PRKN: variants seen among roughly 807,000 people sequenced by gnomAD.
PRKN encodes E3 ubiquitin-protein ligase parkin.
In PRKN, 56 loss-of-function variants were observed where a neutral mutation model predicts 59.5. The ratio of observed to expected loss-of-function variants is 0.94; its 90% CI spans 0.76 to 1.18. The LOEUF (loss-of-function observed/expected upper bound fraction) is 1.18, where lower values mean the gene tolerates loss of function less well. Ranked by LOEUF, PRKN falls within the 50% of genes most tolerant of loss-of-function variation. The probability of loss-of-function intolerance (pLI) is 0.00; values close to 1 mark genes in which losing one functional copy is unlikely to be tolerated. For missense variants in PRKN, 657 were observed against 596.4 expected, an observed-to-expected ratio of 1.10 and a Z score of -1.06; for synonymous variants, 250 against 222.1, an observed-to-expected ratio of 1.13 and a Z score of -1.12.
At chr6:162,072,461 T>C (rs1365584866) in intron 4 of PRKN, among the ~76,000 whole-genome samples, 2 of 151,994 alleles carry the variant, frequency 1.3e-5, no homozygotes, top group Non-Finnish European at 2.9e-5. Context: ...CAGAAGAAAA[T>C]TCCACAAGCC....
intron 1 of PRKN, among the ~76,000 whole-genome samples, chr6:162,718,440 G>A (rs761818973): frequency 1.1e-4 from 16 of 152,234 alleles, no homozygotes; most frequent in Non-Finnish European, 1.9e-4. Flanking sequence ...GGCCAGGCGC[G>A]GTGGCTCATG....
intron 1 of PRKN, among the ~76,000 whole-genome samples, chr6:162,564,421 G>A (rs1236460107): frequency 6.6e-6 from 1 of 152,040 alleles, no homozygotes; most frequent in Non-Finnish European, 1.5e-5. Flanking sequence ...CAAGATAGGG[G>A]TAGAAAATGT....
chr6:161,806,955 ACTGTAAGCTCCAT>A (rs1181839600), intron 6 of PRKN, among the ~76,000 whole-genome samples: 2 of 152,162 alleles, frequency 1.3e-5, no homozygotes, highest in Non-Finnish European at 2.9e-5. Context: ...CCTAACTCCC[ACTGTAAGCTCCAT>A]CTGAACCTAA....
chr6:162,286,423 T>G (rs1781195760), intron 2 of PRKN, among the ~76,000 whole-genome samples: 1 of 152,172 alleles, frequency 6.6e-6, no homozygotes, highest in Admixed American at 6.5e-5. Flanking sequence ...TAGGCCATCT[T>G]CAAACTCCCT....
At chr6:161,874,852 AAAAT>A (rs376877382) in intron 6 of PRKN, among the ~76,000 whole-genome samples, 1 of 77,564 alleles carries the variant, frequency 1.3e-5, no homozygotes, top group East Asian at 3.2e-4. Context: ...TAAAATATAT[AAAAT>A]ATATATAAAA....
At chr6:161,977,546 T>TTG (rs1781086667) in intron 5 of PRKN, among the ~76,000 whole-genome samples, 3 of 146,024 alleles carry the variant, frequency 2.1e-5, no homozygotes, top group Non-Finnish European at 3.0e-5. Flanking sequence ...TTTTTGGTTT[T>TTG]TTTTTTTTTT....
chr6:162,063,299 G>GC (rs1778181293), intron 4 of PRKN, among the ~76,000 whole-genome samples: 1 of 152,080 alleles, frequency 6.6e-6, no homozygotes, highest in Admixed American at 6.5e-5. Context: ...TTAAATATAA[G>GC]CAAAAACCTT....
chr6:162,334,584 C>T (rs1165407997), intron 2 of PRKN, among the ~76,000 whole-genome samples: 1 of 152,176 alleles, frequency 6.6e-6, no homozygotes, highest in African/African-American at 2.4e-5. Context: ...CCGAAAGATA[C>T]ACAAGGAGAT....
chr6:162,354,300 C>T (rs1784751936), intron 2 of PRKN, among the ~76,000 whole-genome samples: 1 of 152,076 alleles, frequency 6.6e-6, no homozygotes, highest in South Asian at 2.1e-4. Flanking sequence ...CATTTACTCA[C>T]AATTGCTCAT....
intron 2 of PRKN, among the ~76,000 whole-genome samples, chr6:162,439,125 A>C (rs867984563): frequency 6.6e-6 from 1 of 152,022 alleles, no homozygotes; most frequent in African/African-American, 2.4e-5. Flanking sequence ...GAGGCTCTCC[A>C]CTCAGCCTTT....
intron 6 of PRKN, among the ~76,000 whole-genome samples, chr6:161,946,094 G>A (rs1018642079): frequency 1.3e-5 from 2 of 152,000 alleles, no homozygotes; most frequent in African/African-American, 2.4e-5. Flanking sequence ...AGTAGAAACC[G>A]TAGAATGAGT....
At chr6:162,512,170 C>T (rs1315619360) in intron 1 of PRKN, among the ~76,000 whole-genome samples, 1 of 152,162 alleles carries the variant, frequency 6.6e-6, no homozygotes, top group African/African-American at 2.4e-5. Flanking sequence ...TTACTATCAT[C>T]ACTTTCCTTA....
At chr6:161,426,858 A>G (rs1314156072) in intron 9 of PRKN, among the ~76,000 whole-genome samples, 1 of 151,922 alleles carries the variant, frequency 6.6e-6, no homozygotes, top group Non-Finnish European at 1.5e-5. Context: ...AGCTGGGACT[A>G]CAGGCACCTG....
chr6:162,324,920 C>G (rs563292856), intron 2 of PRKN, among the ~76,000 whole-genome samples: 1 of 124,714 alleles, frequency 8.0e-6, no homozygotes, highest in African/African-American at 2.8e-5. Context: ...ACTTTTGCAT[C>G]TGATGTAAAA....
At position 161,562,595 on chromosome 6, in the gene PRKN, C is replaced by T. The variant is rs926232698; in HGVS notation, c.933+6760G>A. Among the ~76,000 whole-genome samples the T allele has an allele frequency of 2.6e-5, 4 of 152,152 alleles. No individual in the cohort carries two copies. Among genetic ancestry groups the T allele is most frequent in the Non-Finnish European group, 2.9e-5 (2 of 68,012 alleles). The stretch of plus-strand genomic sequence containing the variant: ...AGCTCTCACTCACACATCCAAGTCC[C>T]GACTTATCTCCTTCTCCATGCTTCA... On this transcript the variant is annotated intron_variant, in intron 8 of 11. Coordinates refer to ENST00000366898, the MANE Select transcript of PRKN (RefSeq NM_004562.3). The surrounding 1 kb of genome is among the most constrained non-coding windows in gnomAD (Gnocchi z 4.3).
Position 161,376,652 on chromosome 6 carries a change from G to A in PRKN, c.1167+10142C>T, listed in dbSNP as rs1022867519. ...TGAGGTCACACCGTCACATCACGGC[G>A]ATAGGGCAGCTCACGCCCAGTGGTG... On this transcript the variant is annotated intron_variant, in intron 10 of 11. Transcript: ENST00000366898. The surrounding 1 kb of genome is among the most constrained non-coding windows in gnomAD (Gnocchi z 7.3). Among the ~76,000 whole-genome samples the A allele has an allele frequency of 1.3e-5, 2 of 152,134 alleles. No homozygotes were observed. Among genetic ancestry groups the A allele is most frequent in the Non-Finnish European group, 2.9e-5 (2 of 68,022 alleles).
chr6:161,960,905 T>G (rs1374272803), intron 6 of PRKN, among the ~76,000 whole-genome samples: 1 of 152,200 alleles, frequency 6.6e-6, no homozygotes, highest in Admixed American at 6.5e-5. Flanking sequence ...TAGACACCAA[T>G]GCAGGAATAT....
At chr6:161,854,397 A>T (rs549867770) in intron 6 of PRKN, among the ~76,000 whole-genome samples, 153 of 152,324 alleles carry the variant, frequency 1.0e-3, no homozygotes, top group African/African-American at 3.4e-3. Flanking sequence ...TTAGGCAGGA[A>T]GAATCAGCAG....
chr6:161,585,241 C>T (rs1193607414), intron 7 of PRKN, among the ~76,000 whole-genome samples: 1 of 152,158 alleles, frequency 6.6e-6, no homozygotes, highest in African/African-American at 2.4e-5. Flanking sequence ...CTATGTGCTA[C>T]ACATTGTACA....
Sources: allele counts gnomAD v4.1 joint callset (sites outside exome capture counted in the v4.1 genomes callset), GRCh38; gene constraint gnomAD v4.1.1; non-coding constraint Gnocchi (gnomAD v3.1); transcripts MANE v1.5; gene names NCBI Gene and HGNC (gene_info 2026-07-23, HGNC 2026-07-21).